AMBRA1: variants seen among roughly 807,000 people sequenced by gnomAD.
The protein encoded by AMBRA1 is autophagy and beclin 1 regulator 1.
A neutral mutation model predicts 125.4 loss-of-function variants in AMBRA1; 47 were observed. The observed-to-expected ratio is 0.37, with a 90% CI of 0.30 to 0.48. The LOEUF (loss-of-function observed/expected upper bound fraction) is 0.48, where lower values mean the gene tolerates loss of function less well. Among genes scored for constraint, AMBRA1 ranks in the 20% least tolerant of loss-of-function variants. The pLI, the probability that AMBRA1 is intolerant of heterozygous loss-of-function variation, is 0.99. For missense variants in AMBRA1, 1,331 were observed against 1,693.4 expected (o/e 0.79, Z 3.76); for synonymous variants, 626 against 655.5 (o/e 0.95, Z 0.69).
At chr11:46,510,113 CAA>C (rs1393261572) in intron 8 of AMBRA1, among the ~76,000 whole-genome samples, 1 of 152,094 alleles carries the variant, frequency 6.6e-6, no homozygotes, top group Non-Finnish European at 1.5e-5. Flanking sequence ...CTTTTAAACT[CAA>C]AAGTCTGTTT....
intron 6 of AMBRA1, 134 bp downstream of exon 6, chr11:46,543,841 G>T: frequency 1.3e-6 from 1 of 770,078 alleles, no homozygotes; most frequent in Non-Finnish European, 2.1e-6. Context: ...ACAGTCTGAA[G>T]CTAGCTTTAA....
chr11:46,429,235 A>T, intron 14 of AMBRA1: 1 of 1,115,818 alleles, frequency 9.0e-7, no homozygotes, highest in Non-Finnish European at 1.3e-6. Context: ...CTACCCCATA[A>T]AATAAGCCTC....
intron 1 of AMBRA1, among the ~76,000 whole-genome samples, chr11:46,589,673 G>A (rs984427586): frequency 6.6e-6 from 1 of 151,970 alleles, no homozygotes; most frequent in Non-Finnish European, 1.5e-5. Context: ...AGGCTGGAGT[G>A]CAGTGGTGCT....
At chr11:46,538,064 T>G (rs1272627121) in intron 7 of AMBRA1, among the ~76,000 whole-genome samples, 3 of 152,188 alleles carry the variant, frequency 2.0e-5, no homozygotes, top group Non-Finnish European at 4.4e-5. Context: ...CCTAGAGACT[T>G]TCAGCCCCTT....
chr11:46,480,517 C>T (rs1950018907), intron 11 of AMBRA1, among the ~76,000 whole-genome samples: 1 of 152,196 alleles, frequency 6.6e-6, no homozygotes, highest in Non-Finnish European at 1.5e-5. Context: ...GTTGTGCAAC[C>T]CTCATCCCAA....
intron 1 of AMBRA1, among the ~76,000 whole-genome samples, chr11:46,563,615 A>C (rs1037223360): frequency 2.0e-5 from 3 of 152,110 alleles, no homozygotes; most frequent in African/African-American, 7.2e-5. Flanking sequence ...AGAGGCGGCC[A>C]GATCACTTGA....
intron 7 of AMBRA1, among the ~76,000 whole-genome samples, chr11:46,536,342 C>T (rs1215394147): frequency 6.6e-6 from 1 of 152,110 alleles, no homozygotes; most frequent in Non-Finnish European, 1.5e-5. Flanking sequence ...AAAGAAGTAT[C>T]TAGTACACAT....
chr11:46,397,225 C>A lies in AMBRA1; in HGVS notation c.*225G>T. On this transcript the variant is annotated 3_prime_UTR_variant, in exon 18 of 18. Transcript: ENST00000683756. ...TATTCACATTAAGCCCACAGTGTGG[C>A]TCTCCCGGGCTCCAGATCCTGGAAG... 2.1e-6 allele frequency: 1 copy of A among 467,056 alleles called. No individual in the cohort carries two copies. The highest frequency in any genetic ancestry group is 3.5e-6 in the Non-Finnish European group (1 of 286,688). 28.9% of individuals were successfully genotyped at this position (467,056 alleles called of 1,614,324 possible).
chr11:46,556,966 G>T (rs1355225732), intron 1 of AMBRA1, among the ~76,000 whole-genome samples: 1 of 152,074 alleles, frequency 6.6e-6, no homozygotes, highest in African/African-American at 2.4e-5. Context: ...GAGAAACCCT[G>T]TCTCTATTAA....
chr11:46,493,719 G>C lies in AMBRA1; in HGVS notation c.2421-11C>G. On this transcript the variant is annotated splice_polypyrimidine_tract_variant and intron_variant, in intron 10 of 17. Transcript: ENST00000683756. ...GGCAGCAAGAAACGCCTACAAGAAG[G>C]AATCACATGTGAAAAGCTGACTAAA... is the stretch of plus-strand genomic sequence containing the variant. The C allele has an allele frequency of 1.3e-6, 2 of 1,578,494 alleles. No homozygotes were observed. Among genetic ancestry groups the C allele is most frequent in the Non-Finnish European group, 1.7e-6 (2 of 1,168,868 alleles).
intron 7 of AMBRA1, among the ~76,000 whole-genome samples, chr11:46,526,435 TTC>T (rs1162634982): frequency 6.6e-6 from 1 of 151,718 alleles, no homozygotes; most frequent in African/African-American, 2.4e-5. Context: ...ACTGGCAGGC[TTC>T]TGTTTCCTTC....
At chr11:46,583,732 G>T (rs149747817) in intron 1 of AMBRA1, among the ~76,000 whole-genome samples, 5 of 146,822 alleles carry the variant, frequency 3.4e-5, no homozygotes, top group African/African-American at 1.0e-4. Context: ...AGACACTTCT[G>T]AAAAGAAGAC....
chr11:46,404,740 G>A (rs944084917), intron 17 of AMBRA1, among the ~76,000 whole-genome samples: 46 of 152,150 alleles, frequency 3.0e-4, no homozygotes, highest in Admixed American at 1.6e-3. Flanking sequence ...ATAGTGGGGC[G>A]AGGAACCAGG....
At chr11:46,572,194 G>A (rs1310177616) in intron 1 of AMBRA1, among the ~76,000 whole-genome samples, 1 of 151,974 alleles carries the variant, frequency 6.6e-6, no homozygotes, top group African/African-American at 2.4e-5. Context: ...CCAGCTACTC[G>A]GGAGGCTAAG....
At position 46,543,009 on chromosome 11, in the gene AMBRA1, AG is replaced by A; in HGVS notation, c.1007del (p.Ala336ValfsTer30). 3 of 1,600,168 alleles carry A rather than the reference AG, an allele frequency of 1.9e-6. No individual in the cohort carries two copies. The highest frequency in any genetic ancestry group is 2.5e-6 in the Non-Finnish European group (3 of 1,179,904). On this transcript the variant is annotated frameshift_variant, in exon 7 of 18. Coordinates refer to ENST00000683756, the MANE Select transcript of AMBRA1 (RefSeq NM_001387011.1). LOFTEE classifies it high-confidence loss of function. Reference sequence around the variant, plus strand: ...GTACAAAAGAAAAGGAAGGGGTAGTAGCTCTGGCAGAAGCAGGGGGGACACT... The same window carrying A: ...GTACAAAAGAAAAGGAAGGGGTAGTACTCTGGCAGAAGCAGGGGGGACACT... ...QDSVPPASAR[A>X]TTPSFSFVQT... is the part of the protein sequence containing the mutation.
intron 1 of AMBRA1, among the ~76,000 whole-genome samples, chr11:46,566,255 T>TA (rs1246121218): frequency 6.6e-6 from 1 of 152,002 alleles, no homozygotes; most frequent in African/African-American, 2.4e-5. Context: ...CCGTCTCTAC[T>TA]AAAAATACAA....
At chr11:46,484,237 T>A (rs117356785) in intron 11 of AMBRA1, among the ~76,000 whole-genome samples, 229 of 152,362 alleles carry the variant, frequency 1.5e-3, no homozygotes, top group Non-Finnish European at 2.6e-3. Flanking sequence ...TGACCTCACA[T>A]TTGGCCTTCT....
intron 11 of AMBRA1, among the ~76,000 whole-genome samples, chr11:46,469,188 T>G (rs1949468047): frequency 6.6e-6 from 1 of 152,148 alleles, no homozygotes; most frequent in Admixed American, 6.5e-5. Context: ...ATTTAGTTAG[T>G]TTAGGCTTTA....
chr11:46,491,948 C>T (rs974217762), intron 11 of AMBRA1, among the ~76,000 whole-genome samples: 23 of 152,098 alleles, frequency 1.5e-4, no homozygotes, highest in African/African-American at 3.9e-4. Flanking sequence ...AGAGATCTGC[C>T]GGCAGTAGAG....
Sources: allele counts gnomAD v4.1 joint callset (sites outside exome capture counted in the v4.1 genomes callset), GRCh38; gene constraint gnomAD v4.1.1; transcripts MANE v1.5; gene names NCBI Gene and HGNC (gene_info 2026-07-23, HGNC 2026-07-21).